Variants in FAM174A observed in about 807,000 individuals in gnomAD.
FAM174A encodes the protein family with sequence similarity 174 member A.
In FAM174A, 14 loss-of-function variants were observed where a neutral mutation model predicts 14.3. The ratio of observed to expected loss-of-function variants is 0.98; its 90% CI spans 0.65 to 1.53. The LOEUF (loss-of-function observed/expected upper bound fraction) is 1.53, where lower values mean the gene tolerates loss of function less well. FAM174A is among the 40% of genes most tolerant of loss of function. The pLI, the probability that FAM174A is intolerant of heterozygous loss-of-function variation, is 0.00. For synonymous variants in FAM174A, 108 were observed against 111.4 expected, an observed-to-expected ratio of 0.97 and a Z score of 0.19; for missense variants, 241 against 249.6, an observed-to-expected ratio of 0.97 and a Z score of 0.23.
intron 2 of FAM174A, among the ~76,000 whole-genome samples, chr5:100,574,892 C>CA (rs1561323439): frequency 2.6e-5 from 4 of 152,162 alleles, no homozygotes; most frequent in Non-Finnish European, 5.9e-5. Context: ...CACACCCTTA[C>CA]TGCAGGACGT....
At chr5:100,571,438 A>G (rs1241714050) in intron 2 of FAM174A, among the ~76,000 whole-genome samples, 1 of 151,442 alleles carries the variant, frequency 6.6e-6, no homozygotes, top group Non-Finnish European at 1.5e-5. Flanking sequence ...TGCTTTATCA[A>G]GAAATTTGTC....
chr5:100,566,623 A>G (rs1340229742), intron 2 of FAM174A, among the ~76,000 whole-genome samples: 1 of 151,868 alleles, frequency 6.6e-6, no homozygotes, highest in Non-Finnish European at 1.5e-5. Context: ...TAATCTCAAG[A>G]GGTGATGGAT....
chr5:100,535,452 C>A lies in FAM174A; in HGVS notation c.-79C>A. ...GTTTGGTCACCTCTGCTTCATTCTC[C>A]ACCGCGCCTATGGTCCCTCTTGGAG... is the stretch of plus-strand genomic sequence containing the variant. On this transcript the variant is annotated 5_prime_UTR_variant, in exon 1 of 3. Transcript: ENST00000312637. 6.6e-7 allele frequency: 1 copy of A among 1,510,266 alleles called. No homozygotes were observed. Among genetic ancestry groups the A allele is most frequent in the Non-Finnish European group, 9.1e-7 (1 of 1,101,882 alleles). The allele number at this position is 1,510,266 out of a possible 1,614,324, so 93.6% of individuals were successfully genotyped here. A position where few individuals can be genotyped will look rare whatever the true frequency, so the allele number is the denominator to read the frequency against.
chr5:100,549,361 AGAG>A (rs1746218985), intron 1 of FAM174A, among the ~76,000 whole-genome samples: 5 of 152,186 alleles, frequency 3.3e-5, no homozygotes, highest in Admixed American at 3.3e-4. Flanking sequence ...GTCAAGACAA[AGAG>A]GAGATATGAC....
At chr5:100,556,234 C>T (rs1246833137) in intron 1 of FAM174A, among the ~76,000 whole-genome samples, 1 of 152,112 alleles carries the variant, frequency 6.6e-6, no homozygotes, top group Non-Finnish European at 1.5e-5. Context: ...TCAGGTTTGT[C>T]AAAGATCAGA....
At chr5:100,569,391 T>TTA (rs34722898) in intron 2 of FAM174A, among the ~76,000 whole-genome samples, 54,995 of 150,092 alleles carry the variant, frequency 0.37, 11,935 homozygotes, top group African/African-American at 0.59. Context: ...GAGGCTATTA[T>TTA]TATATATATA....
intron 2 of FAM174A, among the ~76,000 whole-genome samples, chr5:100,578,124 C>A (rs1244236590): frequency 1.3e-5 from 2 of 151,940 alleles, no homozygotes; most frequent in Admixed American, 1.3e-4. Context: ...TTTTTAGTAC[C>A]GTGGAAATTC....
intron 2 of FAM174A, among the ~76,000 whole-genome samples, chr5:100,567,497 G>A (rs1421159891): frequency 6.6e-6 from 1 of 151,706 alleles, no homozygotes; most frequent in African/African-American, 2.4e-5. Flanking sequence ...TTTCTTCGAG[G>A]AGCATATATT....
chr5:100,586,121 A>C (rs1747121354), intron 2 of FAM174A, 60 bp from the exon 3 acceptor site: 1 of 919,692 alleles, frequency 1.1e-6, no homozygotes, highest in Admixed American at 2.4e-5. Context: ...GAATAGTTTT[A>C]AATGTTTTTA....
At position 100,586,264 on chromosome 5, in the gene FAM174A, T is replaced by G. The variant is rs1415024727; in HGVS notation, c.*80T>G. The G allele has an allele frequency of 4.1e-6, 4 of 969,352 alleles. No individual in the cohort carries two copies. In the Admixed American group the frequency reaches 7.6e-5, roughly 18 times the overall value. 60.0% of individuals were successfully genotyped at this position (969,352 alleles called of 1,614,324 possible). A position where few individuals can be genotyped will look rare whatever the true frequency, so the allele number is the denominator to read the frequency against. On this transcript the variant is annotated 3_prime_UTR_variant, in exon 3 of 3. Transcript: ENST00000312637. ...CTATGTTTAAGGAATAAGAAGCCAC[T>G]ATATCAATGTTGGGGGGGTATTTAA...
chr5:100,571,473 CAATT>C (rs1746777563), intron 2 of FAM174A, among the ~76,000 whole-genome samples: 1 of 150,902 alleles, frequency 6.6e-6, no homozygotes, highest in Admixed American at 6.6e-5. Context: ...CTTTAGAAAT[CAATT>C]AAGTGGTGAA....
chr5:100,580,455 G>A (rs1746988304), intron 2 of FAM174A, among the ~76,000 whole-genome samples: 1 of 152,186 alleles, frequency 6.6e-6, no homozygotes, highest in Non-Finnish European at 1.5e-5. Flanking sequence ...AAGCAGGTCC[G>A]AGTTCCAAAA....
At chr5:100,561,913 G>C (rs1746530375) in intron 1 of FAM174A, 141 bp from the exon 2 acceptor site, 1 of 462,478 alleles carries the variant, frequency 2.2e-6, no homozygotes, top group South Asian at 5.8e-5. Context: ...ATCCTAGGTG[G>C]TAAATTTGTT....
At chr5:100,580,154 C>T (rs1746982673) in intron 2 of FAM174A, among the ~76,000 whole-genome samples, 1 of 152,064 alleles carries the variant, frequency 6.6e-6, no homozygotes, top group African/African-American at 2.4e-5. Flanking sequence ...AGCTTTGATC[C>T]ACAAATACAG....
At chr5:100,571,381 A>G (rs1447558021) in intron 2 of FAM174A, among the ~76,000 whole-genome samples, 1 of 151,578 alleles carries the variant, frequency 6.6e-6, no homozygotes, top group Non-Finnish European at 1.5e-5. Context: ...TATTTAATAT[A>G]CATAGAGCTA....
intron 1 of FAM174A, among the ~76,000 whole-genome samples, chr5:100,543,622 C>T (rs183108728): frequency 1.2e-3 from 190 of 152,092 alleles, no homozygotes; most frequent in Non-Finnish European, 2.2e-3. Flanking sequence ...TGGAGTCTCC[C>T]TCTGTCACCC....
chr5:100,535,992 C>G (rs185049199), intron 1 of FAM174A, 28 bp downstream of exon 1: 2 of 1,531,990 alleles, frequency 1.3e-6, no homozygotes, highest in South Asian at 2.5e-5. Flanking sequence ...TGGGGCACCC[C>G]CGTGGGCCTG....
intron 2 of FAM174A, among the ~76,000 whole-genome samples, chr5:100,574,216 T>C (rs528097506): frequency 1.3e-5 from 2 of 152,238 alleles, no homozygotes; most frequent in East Asian, 3.9e-4. Context: ...TGAGATGGAA[T>C]CTTGCTCTGT....
At chr5:100,553,375 C>T (rs1466687612) in intron 1 of FAM174A, among the ~76,000 whole-genome samples, 4 of 151,800 alleles carry the variant, frequency 2.6e-5, no homozygotes, top group Non-Finnish European at 5.9e-5. Context: ...TGCTTTTTTT[C>T]TTCCTTGAGA....
Sources: allele counts gnomAD v4.1 joint callset (sites outside exome capture counted in the v4.1 genomes callset), GRCh38; gene constraint gnomAD v4.1.1; transcripts MANE v1.5; gene names NCBI Gene and HGNC (gene_info 2026-07-23, HGNC 2026-07-21).